The following XKR4 variants were observed in gnomAD, a reference collection of about 807,000 sequenced individuals.
XKR4 encodes XK related 4, also known as XK-related protein 4.
XKR4 carries 12 observed loss-of-function variants against 53.9 expected under a neutral mutation model. That is an observed-to-expected ratio of 0.22 (90% CI 0.14 to 0.36). The LOEUF (loss-of-function observed/expected upper bound fraction) is 0.36. XKR4 is among the 10% of genes least tolerant of loss of function. The pLI, the probability that XKR4 is intolerant of heterozygous loss-of-function variation, is 1.00. For missense variants in XKR4, 799 were observed against 859.5 expected (o/e 0.93, Z 0.88); for synonymous variants, 354 against 362.4 (o/e 0.98, Z 0.26).
At chr8:55,390,335 C>G (rs767727604) in intron 2 of XKR4, among the ~76,000 whole-genome samples, 35 of 152,152 alleles carry the variant, frequency 2.3e-4, no homozygotes, top group Non-Finnish European at 4.4e-4. Context: ...CTAATAAATA[C>G]AATTTTTATA....
intron 1 of XKR4, among the ~76,000 whole-genome samples, chr8:55,338,974 G>A (rs1187744213): frequency 6.6e-6 from 1 of 152,128 alleles, no homozygotes; most frequent in African/African-American, 2.4e-5. Context: ...TTGGTGTTAG[G>A]ACTCACAGCA....
chr8:55,481,485 G>A (rs1194376169), intron 2 of XKR4, among the ~76,000 whole-genome samples: 2 of 152,042 alleles, frequency 1.3e-5, no homozygotes, highest in African/African-American at 4.8e-5. Context: ...CATAGGCATG[G>A]GCAAGGACTT....
chr8:55,408,868 A>T (rs1563343035), intron 2 of XKR4, among the ~76,000 whole-genome samples: 1 of 152,066 alleles, frequency 6.6e-6, no homozygotes, highest in South Asian at 2.1e-4. Context: ...TTAGCAGGGC[A>T]TGGTGGCGTG....
chr8:55,411,164 G>T (rs1338564537), intron 2 of XKR4, among the ~76,000 whole-genome samples: 2 of 152,182 alleles, frequency 1.3e-5, no homozygotes, highest in African/African-American at 4.8e-5. Context: ...GGTTTAGGAG[G>T]CAGCCCTGCA....
Position 55,176,307 on chromosome 8 carries a change from G to T in XKR4, c.806+73013G>T, listed in dbSNP as rs1817234018. On this transcript the variant is annotated intron_variant, in intron 1 of 2. Coordinates refer to ENST00000327381, the MANE Select transcript of XKR4 (RefSeq NM_052898.2). ...ACATGGATTAGATCCACTTGTCACT[G>T]AAAGAGTTCACTGTGGGGTTCGCTC... Among the ~76,000 whole-genome samples, 3 of 152,222 alleles carry T rather than the reference G, an allele frequency of 2.0e-5. No individual in the cohort carries two copies. In the South Asian group the frequency reaches 6.2e-4, roughly 32 times the overall value.
At chr8:55,176,104 GATA>G (rs1457551640) in intron 1 of XKR4, among the ~76,000 whole-genome samples, 4 of 152,182 alleles carry the variant, frequency 2.6e-5, no homozygotes, top group African/African-American at 9.7e-5. Flanking sequence ...ATAAATCATA[GATA>G]CGCAGGTGAC....
intron 2 of XKR4, among the ~76,000 whole-genome samples, chr8:55,427,695 T>C (rs1805037630): frequency 6.6e-6 from 1 of 152,256 alleles, no homozygotes; most frequent in African/African-American, 2.4e-5. Flanking sequence ...TCAAACTAAA[T>C]AGTAGACTTT....
chr8:55,171,669 C>T (rs1206345706), intron 1 of XKR4, among the ~76,000 whole-genome samples: 1 of 151,974 alleles, frequency 6.6e-6, no homozygotes, highest in Non-Finnish European at 1.5e-5. Flanking sequence ...TTCCCTATCT[C>T]TGTTGGGCAG....
chr8:55,523,905 G>A lies in XKR4; in HGVS notation c.1631G>A (p.Ser544Asn). The A allele has an allele frequency of 6.2e-7, 1 of 1,614,186 alleles. No individual in the cohort carries two copies. Among genetic ancestry groups the A allele is most frequent in the Non-Finnish European group, 8.5e-7 (1 of 1,180,034 alleles). Reference protein sequence around the residue: ...AFTLPPDVATSTLRSISNNRS... With the variant: ...AFTLPPDVATNTLRSISNNRS... ...ACTTTGCCCCCAGACGTGGCCACAA[G>A]CACCCTACGGTCCATCTCCAACAAC... is the stretch of plus-strand genomic sequence containing the variant. Residue 544 changes from serine to asparagine, a missense_variant, in exon 3 of 3, where the codon AGC becomes AAC. Around this residue, in one of 3 missense-constraint regions of XKR4, gnomAD observed 269 missense variants for 264.4 expected, o/e 1.02. Coordinates refer to ENST00000327381, the MANE Select transcript of XKR4 (RefSeq NM_052898.2).
chr8:55,195,943 A>T (rs753464627), intron 1 of XKR4, among the ~76,000 whole-genome samples: 7 of 152,102 alleles, frequency 4.6e-5, no homozygotes, highest in Non-Finnish European at 8.8e-5. Flanking sequence ...GGTTTTATAG[A>T]TGTCTCCGGG....
At chr8:55,270,780 T>A (rs983498110) in intron 1 of XKR4, among the ~76,000 whole-genome samples, 32 of 152,216 alleles carry the variant, frequency 2.1e-4, no homozygotes, top group African/African-American at 7.7e-4. Context: ...GATAGCTCTC[T>A]TTGCAAAGTC....
rs570920058 is a variant in XKR4, at chr8:55,420,989, G to T, written c.1006+63112G>T. ...GTAAGGCAGTGGTAAATAGGTTTCT[G>T]GAATAACCTAGCAAGTGCTATGCTA... On this transcript the variant is annotated intron_variant, in intron 2 of 2. Coordinates refer to ENST00000327381, the MANE Select transcript of XKR4 (RefSeq NM_052898.2). Among the ~76,000 whole-genome samples the T allele has an allele frequency of 9.9e-5, 15 of 152,216 alleles. No homozygotes were observed. The South Asian group carries it at 3.1e-3, about 32-fold the overall frequency.
intron 1 of XKR4, among the ~76,000 whole-genome samples, chr8:55,115,734 A>C (rs1287600170): frequency 1.3e-5 from 2 of 152,078 alleles, no homozygotes; most frequent in South Asian, 4.1e-4. Context: ...GTGAGCCGAG[A>C]TCATGCCACT....
At chr8:55,295,522 T>C (rs1172852962) in intron 1 of XKR4, among the ~76,000 whole-genome samples, 2 of 152,218 alleles carry the variant, frequency 1.3e-5, no homozygotes, top group Admixed American at 6.5e-5. Flanking sequence ...TGTTAAATGA[T>C]TATTGCATGA....
intron 1 of XKR4, among the ~76,000 whole-genome samples, chr8:55,245,127 G>A (rs374479832): frequency 1.3e-5 from 2 of 151,758 alleles, no homozygotes; most frequent in East Asian, 1.9e-4. Context: ...GGCTGGTCTC[G>A]AACTCCTGAC....
chr8:55,150,360 A>G (rs1336764066), intron 1 of XKR4, among the ~76,000 whole-genome samples: 8 of 152,216 alleles, frequency 5.3e-5, no homozygotes, highest in Non-Finnish European at 1.0e-4. Flanking sequence ...GTTTTAGTAT[A>G]TGGGTTGCTA....
chr8:55,287,613 C>T (rs769983824), intron 1 of XKR4, among the ~76,000 whole-genome samples: 4 of 152,218 alleles, frequency 2.6e-5, no homozygotes, highest in Admixed American at 6.5e-5. Flanking sequence ...CCTGACAAAG[C>T]CGGCAGCACA....
At chr8:55,154,031 C>T (rs1816873877) in intron 1 of XKR4, among the ~76,000 whole-genome samples, 1 of 152,150 alleles carries the variant, frequency 6.6e-6, no homozygotes, top group South Asian at 2.1e-4. Flanking sequence ...ACATTTCTTT[C>T]AGCTCCAGGC....
chr8:55,308,950 A>T (rs558407559), intron 1 of XKR4, among the ~76,000 whole-genome samples: 1 of 152,286 alleles, frequency 6.6e-6, no homozygotes, highest in Non-Finnish European at 1.5e-5. Context: ...TGAAGAGAGG[A>T]GGTTGGAATG....
Sources: gnomAD v4.1 joint callset for allele counts (sites outside exome capture counted in the v4.1 genomes callset) on GRCh38, gnomAD v4.1.1 for gene constraint, gnomAD v4.1.1 regional missense constraint, MANE v1.5 for transcripts, NCBI Gene and HGNC (gene_info 2026-07-23, HGNC 2026-07-21) for gene names.